ARMC10: variants seen among roughly 807,000 people sequenced by gnomAD.
ARMC10 encodes the protein armadillo repeat containing 10, also known as armadillo repeat-containing protein 10.
A neutral mutation model predicts 30.2 loss-of-function variants in ARMC10; 23 were observed. The observed-to-expected ratio is 0.76, with a 90% confidence interval of 0.55 to 1.08. The LOEUF (loss-of-function observed/expected upper bound fraction) is 1.08, where lower values mean the gene tolerates loss of function less well. Among genes scored for constraint, ARMC10 ranks in the 50% least tolerant of loss-of-function variants. The pLI, the probability that ARMC10 is intolerant of heterozygous loss-of-function variation, is 0.00. For synonymous variants in ARMC10, 111 were observed against 164.4 expected (o/e 0.68, Z 2.48); for missense variants, 303 against 413.7 (o/e 0.73, Z 2.32).
At chr7:103,083,609 G>T in intron 2 of ARMC10, 73 bp from the exon 3 acceptor site, 1 of 1,354,492 alleles carries the variant, frequency 7.4e-7, no homozygotes, top group Non-Finnish European at 1.0e-6. Context: ...CTGGGTGACA[G>T]AGTGAGAGCC....
intron 4 of ARMC10, among the ~76,000 whole-genome samples, chr7:103,087,432 C>T (rs1800954338): frequency 6.6e-6 from 1 of 152,136 alleles, no homozygotes; most frequent in South Asian, 2.1e-4. Context: ...ATTTATGAGG[C>T]AGTTAACCTG....
intron 4 of ARMC10, chr7:103,089,261 T>C (rs1801109814): frequency 4.3e-6 from 1 of 235,096 alleles, no homozygotes; most frequent in Non-Finnish European, 9.5e-6. Flanking sequence ...GGGATACCAA[T>C]GGCAGCATTT....
chr7:103,089,020 T>A (rs1801090116), intron 4 of ARMC10: 1 of 155,090 alleles, frequency 6.4e-6, no homozygotes, highest in Non-Finnish European at 1.5e-5. Context: ...TATCACACAT[T>A]TCTTAATTTT....
chr7:103,092,614 C>T lies in ARMC10; in HGVS notation c.666C>T (p.Asp222=), dbSNP rs572037347. ...HQHMLHSYIT[D]LFQVLLTGNG... ...ACATGCTTCACAGTTACATTACAGACCTGTTCCAGGTGTTACTTACTGGAA... is the reference window on the plus strand; with the variant it reads ...ACATGCTTCACAGTTACATTACAGATCTGTTCCAGGTGTTACTTACTGGAA... The change falls in exon 5 of 7, where the codon GAC becomes GAT. Residue 222 remains aspartate, a synonymous_variant. Coordinates refer to ENST00000323716, the MANE Select transcript of ARMC10 (RefSeq NM_031905.5). The T allele has an allele frequency of 1.3e-6, 2 of 1,596,972 alleles. No homozygotes were observed. Among genetic ancestry groups the T allele is most frequent in the East Asian group, 2.2e-5 (1 of 44,464 alleles).
chr7:103,084,391 C>T (rs1312811216), intron 3 of ARMC10, among the ~76,000 whole-genome samples: 4 of 152,070 alleles, frequency 2.6e-5, no homozygotes. Context: ...CAGCCAATGC[C>T]CTTTGTTAAC....
chr7:103,098,179 T>A (rs1801933785), intron 6 of ARMC10, 120 bp from the exon 7 acceptor site: 1 of 1,091,520 alleles, frequency 9.2e-7, no homozygotes, highest in Non-Finnish European at 1.2e-6. Flanking sequence ...ACATTTTAAA[T>A]GTGAATTTAA....
intron 6 of ARMC10, among the ~76,000 whole-genome samples, 178 bp downstream of exon 6, chr7:103,097,526 C>G (rs960208780): frequency 2.0e-5 from 3 of 152,102 alleles, no homozygotes; most frequent in Non-Finnish European, 4.4e-5. Context: ...TTGCAATGAG[C>G]CTCTTTTACT....
At chr7:103,075,953 G>A in intron 2 of ARMC10, 72 bp downstream of exon 2, 1 of 1,186,140 alleles carries the variant, frequency 8.4e-7, no homozygotes, top group Non-Finnish European at 1.2e-6. Flanking sequence ...GCATGATTCG[G>A]TTTCTGTCCA....
chr7:103,091,155 A>G (rs1443723751), intron 4 of ARMC10, among the ~76,000 whole-genome samples: 1 of 152,164 alleles, frequency 6.6e-6, no homozygotes, highest in Non-Finnish European at 1.5e-5. Context: ...CAGGCCGGAC[A>G]TGGTGGTGCA....
chr7:103,095,884 T>C (rs1226516548), intron 5 of ARMC10: 1 of 136,704 alleles, frequency 7.3e-6, no homozygotes, highest in East Asian at 2.1e-4. Flanking sequence ...AATTGAACAA[T>C]GAGAACACAT....
intron 3 of ARMC10, among the ~76,000 whole-genome samples, chr7:103,085,168 A>G: frequency 8.6e-6 from 1 of 115,626 alleles, no homozygotes; most frequent in East Asian, 2.7e-4. Context: ...AGAGTAGGCC[A>G]GTACCCACTG....
chr7:103,083,953 T>C, intron 3 of ARMC10, 123 bp downstream of exon 3: 1 of 1,475,120 alleles, frequency 6.8e-7, no homozygotes, highest in Non-Finnish European at 9.2e-7. Flanking sequence ...ATGTGGCTAC[T>C]TATACTTAAA....
intron 4 of ARMC10, chr7:103,087,021 A>G: frequency 1.0e-6 from 1 of 996,228 alleles, no homozygotes; most frequent in Non-Finnish European, 1.4e-6. Flanking sequence ...CACTGGTGAC[A>G]GTAATAGCCT....
chr7:103,097,512 T>G lies in ARMC10; in HGVS notation c.777+164T>G, dbSNP rs182303375. The stretch of plus-strand genomic sequence containing the variant: ...ATTTTGTATGTGTAAATTTCCTAAA[T>G]TTTTTGCAATGAGCCTCTTTTACTT... On this transcript the variant is annotated intron_variant, in intron 6 of 6. Coordinates refer to ENST00000323716, the MANE Select transcript of ARMC10 (RefSeq NM_031905.5). Among the ~76,000 whole-genome samples, 381 of 152,306 alleles carry G rather than the reference T, an allele frequency of 2.5e-3. 1 individual carries two copies. Among genetic ancestry groups the G allele is most frequent in the African/African-American group, 8.4e-3 (349 of 41,560 alleles).
At chr7:103,090,791 A>G (rs1031666630) in intron 4 of ARMC10, among the ~76,000 whole-genome samples, 23 of 151,828 alleles carry the variant, frequency 1.5e-4, no homozygotes, top group Middle Eastern at 6.8e-3. Context: ...CCAGCTACTC[A>G]GGAGTCTGAG....
At chr7:103,084,675 TTCTC>T (rs1230521397) in intron 3 of ARMC10, among the ~76,000 whole-genome samples, 5 of 152,176 alleles carry the variant, frequency 3.3e-5, no homozygotes, top group African/African-American at 1.2e-4. Context: ...GTTCCCAGAG[TTCTC>T]TCTTTCTCTA....
Position 103,086,708 on chromosome 7 carries a change from G to A in ARMC10, c.472G>A (p.Ala158Thr). ...TTCCAACCAGAGTATTAAAGAGAAA[G>A]CTTTAAATGCACTAAATAACCTGAG... The part of the protein sequence containing the change: ...NHSNQSIKEK[A>T]LNALNNLSVN... Residue 158 changes from alanine (A) to threonine (T), a missense_variant, in exon 4 of 7, where the codon GCT becomes ACT. By Grantham distance (58) the Ala-to-Thr change is moderately conservative. Coordinates refer to ENST00000323716, the MANE Select transcript of ARMC10 (RefSeq NM_031905.5). The A allele has an allele frequency of 1.3e-6, 2 of 1,595,562 alleles. No homozygotes were observed. Among genetic ancestry groups the A allele is most frequent in the South Asian group, 1.2e-5 (1 of 86,308 alleles).
intron 5 of ARMC10, chr7:103,095,973 T>C (rs1391334419): frequency 1.3e-5 from 2 of 151,952 alleles, no homozygotes; most frequent in Admixed American, 6.6e-5. Flanking sequence ...TTGGGAGATA[T>C]ACCTAATGCT....
Position 103,092,555 on chromosome 7 carries a change from T to C in ARMC10, c.607T>C (p.Leu203=). ...TGTGCAGCTGGCTGGACTGACATTG[T>C]TGACAAACATGACTGTTACCAATGA... ...SAVQLAGLTL[L]TNMTVTNDHQ... is the part of the protein sequence containing the mutation. Residue 203 remains leucine, a synonymous_variant, in exon 5 of 7, where the codon TTG becomes CTG. Transcript: ENST00000323716. 6.2e-7 allele frequency: 1 copy of C among 1,610,322 alleles called. No individual in the cohort carries two copies. The highest frequency in any genetic ancestry group is 1.7e-5 in the Admixed American group (1 of 59,966).
Sources: gnomAD v4.1 joint callset for allele counts (sites outside exome capture counted in the v4.1 genomes callset) on GRCh38, gnomAD v4.1.1 for gene constraint, MANE v1.5 for transcripts, NCBI Gene and HGNC (gene_info 2026-07-23, HGNC 2026-07-21) for gene names.